HCRTR2: variants seen among roughly 807,000 people sequenced by gnomAD.
HCRTR2 encodes hypocretin receptor 2.
Under a neutral mutation model 49.0 loss-of-function variants are expected in HCRTR2, and 22 were observed. That is an observed-to-expected ratio of 0.45 (90% confidence interval 0.32 to 0.64). The LOEUF (loss-of-function observed/expected upper bound fraction) is 0.64. Ranked by LOEUF, HCRTR2 falls within the 30% of genes least tolerant of loss-of-function variation. HCRTR2 has a pLI of 0.04. For missense variants in HCRTR2, 491 were observed against 559.4 expected, an observed-to-expected ratio of 0.88 and a Z score of 1.23; for synonymous variants, 236 against 205.3, an observed-to-expected ratio of 1.15 and a Z score of -1.28.
chr6:55,185,658 A>C (rs1765205451), intron 1 of HCRTR2, among the ~76,000 whole-genome samples: 1 of 144,408 alleles, frequency 6.9e-6, no homozygotes, highest in South Asian at 2.3e-4. Flanking sequence ...TAAGGCCTTG[A>C]GTTTCCCAAA....
At chr6:55,133,240 GTC>G (rs1377937357) in intron 1 of HCRTR2, among the ~76,000 whole-genome samples, 2 of 151,706 alleles carry the variant, frequency 1.3e-5, no homozygotes, top group African/African-American at 4.8e-5. Context: ...TGTCTCCTAT[GTC>G]TTCTTTGCTC....
chr6:55,284,351 G>A (rs1487310970), downstream of HCRTR2, among the ~76,000 whole-genome samples: 5 of 152,010 alleles, frequency 3.3e-5, no homozygotes, highest in East Asian at 3.9e-4. Flanking sequence ...CTATACCATC[G>A]GCATCAGCAT....
intron 1 of HCRTR2, among the ~76,000 whole-genome samples, chr6:55,208,455 G>A (rs756799955): frequency 1.3e-5 from 2 of 151,454 alleles, no homozygotes; most frequent in Non-Finnish European, 2.9e-5. Flanking sequence ...TTACACCATT[G>A]CACTCCAGTC....
chr6:55,143,595 T>G lies in HCRTR2; in HGVS notation c.-377-30616T>G, dbSNP rs186140020. 8.0e-4 allele frequency among the ~76,000 whole-genome samples: 122 copies of G among 152,360 alleles called. 3 individuals are homozygous for G. In the South Asian group the frequency reaches 0.02, roughly 25 times the overall value. ...CCTTGCAGGATCGCAGCCAAGCTAA[T>G]GAAACATTTTTATTATAATAATAGC... On this transcript the variant is annotated intron_variant, in intron 1 of 7. Transcript: ENST00000615358.
At chr6:55,248,891 T>C (rs1766497453) in intron 2 of HCRTR2, 74 bp downstream of exon 2, 2 of 1,221,348 alleles carry the variant, frequency 1.6e-6, no homozygotes, top group Non-Finnish European at 2.4e-6. Flanking sequence ...TATGGTAAAT[T>C]AACTAGTGAG....
intron 4 of HCRTR2, among the ~76,000 whole-genome samples, chr6:55,269,087 C>CAAAAAAAAAAAAA (rs1158724252): frequency 1.8e-5 from 1 of 55,754 alleles, no homozygotes; most frequent in African/African-American, 5.1e-5. Flanking sequence ...GACTCCGTCT[C>CAAAAAAAAAAAAA]AAAAAAAAAA....
intron 1 of HCRTR2, among the ~76,000 whole-genome samples, chr6:55,182,745 G>A (rs1765154122): frequency 6.6e-6 from 1 of 152,176 alleles, no homozygotes; most frequent in African/African-American, 2.4e-5. Flanking sequence ...AGCCTCTAAA[G>A]TTGTGAACTA....
chr6:55,258,815 G>A (rs748713591), intron 3 of HCRTR2, among the ~76,000 whole-genome samples: 19 of 152,086 alleles, frequency 1.2e-4, no homozygotes, highest in Non-Finnish European at 1.8e-4. Flanking sequence ...CACTTTGGGA[G>A]GCCGAGATGG....
At chr6:55,186,206 T>A (rs1044481770) in intron 1 of HCRTR2, among the ~76,000 whole-genome samples, 2 of 152,200 alleles carry the variant, frequency 1.3e-5, no homozygotes, top group African/African-American at 4.8e-5. Context: ...GAATACAGAA[T>A]TTTTAGTTAG....
At chr6:55,127,435 C>T (rs1554166771) in intron 1 of HCRTR2, among the ~76,000 whole-genome samples, 1 of 152,122 alleles carries the variant, frequency 6.6e-6, no homozygotes, top group South Asian at 2.1e-4. Flanking sequence ...GAACCAGGTA[C>T]CTCAGCTGGA....
Position 55,146,539 on chromosome 6 carries a change from A to G in HCRTR2, c.-377-27672A>G, listed in dbSNP as rs959517673. On this transcript the variant is annotated intron_variant, in intron 1 of 7. Transcript: ENST00000615358. The stretch of plus-strand genomic sequence containing the variant: ...TTGCAGATAAAGTACCTGACATTTG[A>G]TTAATAAAATCAGAATATCAGATTA... Among the ~76,000 whole-genome samples the G allele has an allele frequency of 2.0e-5, 3 of 151,634 alleles. No homozygotes were observed. In the South Asian group the frequency reaches 6.2e-4, roughly 31 times the overall value.
At position 55,243,109 on chromosome 6, in the gene HCRTR2, G is replaced by C. The variant is rs139441517; in HGVS notation, c.224-5530G>C. Among the ~76,000 whole-genome samples, 82 of 152,182 alleles carry C rather than the reference G, an allele frequency of 5.4e-4. No homozygotes were observed. The East Asian group carries it at 7.9e-3, about 15-fold the overall frequency. ...GAAAGAACCGGTAAGACAAATGACAGTCTGAAAGATAAAGGAAAAAAATAA... is the reference window on the plus strand; with the variant it reads ...GAAAGAACCGGTAAGACAAATGACACTCTGAAAGATAAAGGAAAAAAATAA... On this transcript the variant is annotated intron_variant, in intron 1 of 6. Transcript: ENST00000370862.
chr6:55,118,093 A>T (rs532257303), intron 1 of HCRTR2, among the ~76,000 whole-genome samples: 2 of 151,760 alleles, frequency 1.3e-5, no homozygotes, highest in African/African-American at 4.8e-5. Context: ...TGTGTTCCCC[A>T]ATATGCGTCC....
intron 1 of HCRTR2, among the ~76,000 whole-genome samples, chr6:55,213,893 AC>A (rs1231154323): frequency 1.3e-5 from 2 of 151,764 alleles, no homozygotes; most frequent in Non-Finnish European, 2.9e-5. Context: ...GAGTAGAAGA[AC>A]CCTTAACTCT....
upstream of HCRTR2, among the ~76,000 whole-genome samples, chr6:55,173,278 G>T (rs528486927): frequency 2.6e-5 from 4 of 152,250 alleles, no homozygotes; most frequent in African/African-American, 9.6e-5. Context: ...CACCCTTAGA[G>T]CACTCCCATA....
intron 2 of HCRTR2, among the ~76,000 whole-genome samples, chr6:55,249,969 G>A (rs948930606): frequency 6.6e-6 from 1 of 152,026 alleles, no homozygotes; most frequent in Non-Finnish European, 1.5e-5. Flanking sequence ...AAATTAGGGA[G>A]GGGTCACAAA....
At chr6:55,261,124 A>G (rs1440974960) in intron 3 of HCRTR2, among the ~76,000 whole-genome samples, 1 of 152,216 alleles carries the variant, frequency 6.6e-6, no homozygotes, top group East Asian at 1.9e-4. Context: ...GAATCTATGC[A>G]AGATATATTG....
rs745598271 is a variant in HCRTR2 at position 55,280,471 on chromosome 6, G to A, written c.1105+27G>A. The stretch of plus-strand genomic sequence containing the variant: ...TGAGTTTTCAACTGTTCTTCCATAA[G>A]CCACAATTGTAACCAAGGATGAGGA... On this transcript the variant is annotated intron_variant, in intron 6 of 6. Coordinates refer to ENST00000370862, the MANE Select transcript of HCRTR2 (RefSeq NM_001384272.1). The A allele has an allele frequency of 3.1e-6, 5 of 1,610,350 alleles. No individual in the cohort carries two copies. The East Asian group carries it at 1.1e-4, about 36-fold the overall frequency.
At chr6:55,262,412 TG>T (rs1261060005) in intron 3 of HCRTR2, among the ~76,000 whole-genome samples, 2 of 136,892 alleles carry the variant, frequency 1.5e-5, no homozygotes, top group Non-Finnish European at 3.1e-5. Flanking sequence ...ATGTATTATA[TG>T]TTATATATAA....
Sources: allele counts gnomAD v4.1 joint callset (sites outside exome capture counted in the v4.1 genomes callset), GRCh38; gene constraint gnomAD v4.1.1; transcripts MANE v1.5; gene names NCBI Gene and HGNC (gene_info 2026-07-23, HGNC 2026-07-21).